The following TRNT1 variants were observed in gnomAD, a reference collection of about 807,000 sequenced individuals.
TRNT1 encodes the protein tRNA nucleotidyl transferase 1, also known as CCA tRNA nucleotidyltransferase 1, mitochondrial.
In TRNT1, 44 loss-of-function variants were observed where a neutral mutation model predicts 45.6. That is an observed-to-expected ratio of 0.97 (90% confidence interval 0.76 to 1.24). The LOEUF (loss-of-function observed/expected upper bound fraction) is 1.24. Among genes scored for constraint, TRNT1 ranks in the 50% most tolerant of loss-of-function variants. The pLI, the probability that TRNT1 is intolerant of heterozygous loss-of-function variation, is 0.00. For synonymous variants in TRNT1, 201 were observed against 171.4 expected (o/e 1.17, Z -1.35); for missense variants, 633 against 504.4 (o/e 1.25, Z -2.44).
intron 4 of TRNT1, among the ~76,000 whole-genome samples, chr3:3,143,987 G>C (rs1705822058): frequency 6.6e-6 from 1 of 152,082 alleles, no homozygotes; most frequent in South Asian, 2.1e-4. Context: ...ATATATTATG[G>C]AAATTAGCCA....
chr3:3,136,347 G>C (rs988262820), intron 2 of TRNT1, among the ~76,000 whole-genome samples: 1 of 152,142 alleles, frequency 6.6e-6, no homozygotes, highest in African/African-American at 2.4e-5. Flanking sequence ...AGTGGATTTT[G>C]CCTTATCCTC....
chr3:3,143,177 A>C (rs1364454754), intron 4 of TRNT1, among the ~76,000 whole-genome samples: 1 of 152,062 alleles, frequency 6.6e-6, no homozygotes, highest in East Asian at 1.9e-4. Flanking sequence ...TCGGCTCTAA[A>C]TTCCTTTTTC....
chr3:3,149,039 G>GCTATA (rs1400717143), downstream of TRNT1: 2 of 151,794 alleles, frequency 1.3e-5, no homozygotes, highest in East Asian at 3.9e-4. Flanking sequence ...TATTTCAGCT[G>GCTATA]CTATAATTTC....
In TRNT1 at chr3:3,138,284, G is replaced by C. The variant is rs530318537; in HGVS notation, c.342+831G>C. ...TGGTGGTTTGATAGTTACGGTTATAGAATTCTAGGCAGGGAATAATTTTTA... is the reference window on the plus strand; with the variant it reads ...TGGTGGTTTGATAGTTACGGTTATACAATTCTAGGCAGGGAATAATTTTTA... On this transcript the variant is annotated intron_variant, in intron 3 of 7. Transcript: ENST00000251607. 1.1e-4 allele frequency among the ~76,000 whole-genome samples: 17 copies of C among 152,250 alleles called. No individual in the cohort carries two copies. The South Asian group carries it at 3.1e-3, about 28-fold the overall frequency.
intron 4 of TRNT1, among the ~76,000 whole-genome samples, chr3:3,141,014 G>C (rs1476821187): frequency 6.6e-6 from 1 of 152,166 alleles, no homozygotes; most frequent in Non-Finnish European, 1.5e-5. Context: ...GGAGCTTGCA[G>C]TGAGCTGAGA....
chr3:3,137,187 T>C (rs1241431561), intron 2 of TRNT1, 73 bp from the exon 3 acceptor site: 1 of 1,252,786 alleles, frequency 8.0e-7, no homozygotes, highest in African/African-American at 1.5e-5. Context: ...AAAAGCCTTG[T>C]ACTTTTGTGG....
intron 6 of TRNT1, 73 bp from the exon 7 acceptor site, chr3:3,147,377 G>A: frequency 6.5e-7 from 1 of 1,540,004 alleles, no homozygotes; most frequent in Non-Finnish European, 8.8e-7. Flanking sequence ...TACTAAAATG[G>A]TGGCAAGGTT....
At chr3:3,137,903 T>G (rs1010055961) in intron 3 of TRNT1, among the ~76,000 whole-genome samples, 8 of 152,238 alleles carry the variant, frequency 5.3e-5, no homozygotes. Context: ...TGTGATGACA[T>G]TTCTTCTATT....
At chr3:3,129,305 A>C in intron 2 of TRNT1, 117 bp downstream of exon 2, 1 of 1,030,594 alleles carries the variant, frequency 9.7e-7, no homozygotes, top group Non-Finnish European at 1.4e-6. Flanking sequence ...ATTTTTATTA[A>C]AAAACGTAAG....
downstream of TRNT1, among the ~76,000 whole-genome samples, chr3:3,151,529 A>G (rs975830578): frequency 6.6e-6 from 1 of 152,250 alleles, no homozygotes; most frequent in East Asian, 1.9e-4. Flanking sequence ...CGATTGTCAG[A>G]TAATGCAACC....
intron 5 of TRNT1, chr3:3,145,547 A>C (rs1490830489): frequency 6.6e-6 from 1 of 152,000 alleles, no homozygotes; most frequent in Non-Finnish European, 1.5e-5. Flanking sequence ...AAACTTGGTA[A>C]ATATGAAACG....
chr3:3,153,345 A>C (rs1479568379), downstream of TRNT1: 1 of 862,170 alleles, frequency 1.2e-6, no homozygotes, highest in African/African-American at 1.7e-5. Context: ...ACTGGAGGAA[A>C]GTTTATGGAA....
At chr3:3,135,644 A>G (rs1217128811) in intron 2 of TRNT1, among the ~76,000 whole-genome samples, 1 of 152,178 alleles carries the variant, frequency 6.6e-6, no homozygotes, top group Non-Finnish European at 1.5e-5. Flanking sequence ...GGCTGAAAAG[A>G]TGTGGGAAGA....
At chr3:3,129,254 T>C (rs1704838634) in intron 2 of TRNT1, 66 bp downstream of exon 2, 1 of 1,363,674 alleles carries the variant, frequency 7.3e-7, no homozygotes, top group Admixed American at 2.0e-5. Context: ...AGGGTTAACT[T>C]TTTAAGCCAG....
At chr3:3,143,614 A>G (rs1705799052) in intron 4 of TRNT1, among the ~76,000 whole-genome samples, 1 of 152,236 alleles carries the variant, frequency 6.6e-6, no homozygotes, top group Admixed American at 6.5e-5. Flanking sequence ...ATGGTGGCTT[A>G]TGCCTGTAAC....
At chr3:3,152,684 A>C (rs960445334), downstream of TRNT1, 14 of 1,419,090 alleles carry the variant, frequency 9.9e-6, no homozygotes, top group Non-Finnish European at 1.4e-5. Context: ...GAAATGAGGT[A>C]TGAGCTATAC....
intron 2 of TRNT1, among the ~76,000 whole-genome samples, chr3:3,132,856 C>T (rs1179327194): frequency 6.6e-6 from 1 of 151,816 alleles, no homozygotes; most frequent in Non-Finnish European, 1.5e-5. Flanking sequence ...GAGTCCTGTC[C>T]TTGAAGGACT....
At chr3:3,141,393 A>G (rs1051625012) in intron 4 of TRNT1, among the ~76,000 whole-genome samples, 1 of 152,184 alleles carries the variant, frequency 6.6e-6, no homozygotes, top group Non-Finnish European at 1.5e-5. Flanking sequence ...TCTTTCATGC[A>G]TGTTTATTCA....
intron 2 of TRNT1, chr3:3,129,923 A>G (rs1704898107): frequency 7.7e-6 from 12 of 1,550,628 alleles, no homozygotes; most frequent in Non-Finnish European, 1.0e-5. Flanking sequence ...TCCTAGGTAT[A>G]AATGCTTTCC....
Sources: gnomAD v4.1 joint callset for allele counts (sites outside exome capture counted in the v4.1 genomes callset) on GRCh38, gnomAD v4.1.1 for gene constraint, MANE v1.5 for transcripts, NCBI Gene and HGNC (gene_info 2026-07-23, HGNC 2026-07-21) for gene names.